INSL6: variants seen among roughly 807,000 people sequenced by gnomAD.
INSL6 encodes insulin-like peptide INSL6.
A neutral mutation model predicts 9.4 loss-of-function variants in INSL6; 16 were observed. The ratio of observed to expected loss-of-function variants is 1.70; its 90% CI spans 1.15 to 2.59. The LOEUF (loss-of-function observed/expected upper bound fraction) is 2.59, where lower values mean the gene tolerates loss of function less well. INSL6 is among the 30% of genes most tolerant of loss of function. The pLI, the probability that INSL6 is intolerant of heterozygous loss-of-function variation, is 0.00. For synonymous variants in INSL6, 154 were observed against 96.9 expected, an observed-to-expected ratio of 1.59 and a Z score of -3.46; for missense variants, 391 against 257.3, an observed-to-expected ratio of 1.52 and a Z score of -3.56.
chr9:5,095,564 G>A, the INSL6 span, among the ~76,000 whole-genome samples: 80 of 152,114 alleles, frequency 5.3e-4, no homozygotes, highest in Admixed American at 1.8e-3. Flanking sequence ...TTTCACTTCC[G>A]AGTCCCAGAA....
chr9:5,166,072 T>C (rs1825043822), intron 1 of INSL6, among the ~76,000 whole-genome samples: 1 of 152,110 alleles, frequency 6.6e-6, no homozygotes, highest in Admixed American at 6.6e-5. Flanking sequence ...AACTAAGAAG[T>C]AACGAGAAAA....
chr9:5,131,407 C>T (rs1200614102), intron 3 of INSL6, among the ~76,000 whole-genome samples: 1 of 146,850 alleles, frequency 6.8e-6, no homozygotes, highest in African/African-American at 2.6e-5. Flanking sequence ...GAACAAATAG[C>T]TGAATTCTTT....
chr9:5,157,815 T>A (rs1824844442), intron 2 of INSL6, among the ~76,000 whole-genome samples: 2 of 152,058 alleles, frequency 1.3e-5, no homozygotes, highest in South Asian at 4.1e-4. Context: ...GCATCAAGAC[T>A]ACCCAGGAAC....
downstream of INSL6, among the ~76,000 whole-genome samples, chr9:5,123,616 G>A (rs1000780166): frequency 1.3e-5 from 2 of 151,990 alleles, no homozygotes; most frequent in African/African-American, 4.8e-5. Flanking sequence ...AAACATACAG[G>A]TGGAGGTATC....
At chr9:5,078,534 T>C in the INSL6 span, 4 of 960,208 alleles carry the variant, frequency 4.2e-6, no homozygotes, top group African/African-American at 1.7e-5. Context: ...TTGAATTCCA[T>C]TTAATTTGTA....
chr9:5,000,907 T>C, the INSL6 span, among the ~76,000 whole-genome samples: 11 of 152,240 alleles, frequency 7.2e-5, no homozygotes, highest in African/African-American at 2.7e-4. Context: ...GGTTCTTTCC[T>C]GTTTCTAGGA....
intron 2 of INSL6, among the ~76,000 whole-genome samples, chr9:5,155,857 G>A (rs889941155): frequency 7.3e-5 from 11 of 150,940 alleles, no homozygotes; most frequent in South Asian, 4.2e-4. Flanking sequence ...ACCATGGCAC[G>A]TGTATACCAA....
chr9:5,072,615 A>G, the INSL6 span: 1 of 1,605,046 alleles, frequency 6.2e-7, no homozygotes, highest in Non-Finnish European at 8.5e-7. Context: ...AGCACACAGA[A>G]ACTATTCAGA....
At chr9:5,023,273 C>T in the INSL6 span, among the ~76,000 whole-genome samples, 13 of 152,296 alleles carry the variant, frequency 8.5e-5, no homozygotes, top group East Asian at 2.5e-3. Context: ...CTTTCAGTTC[C>T]TGGCTTATTT....
At chr9:5,111,186 A>G in the INSL6 span, 1 of 687,488 alleles carries the variant, frequency 1.5e-6, no homozygotes, top group Non-Finnish European at 2.5e-6. Flanking sequence ...CTCCATTCAC[A>G]TTCCTGGGAC....
chr9:5,022,618 T>C, the INSL6 span, among the ~76,000 whole-genome samples: 1 of 152,244 alleles, frequency 6.6e-6, no homozygotes, highest in South Asian at 2.1e-4. Context: ...ATCATTTTCT[T>C]CTAGTTAGCT....
the INSL6 span, chr9:5,050,937 T>A: frequency 1.1e-6 from 1 of 896,146 alleles, no homozygotes. Context: ...GTAATACTAG[T>A]TAAGTACTCC....
At chr9:5,046,560 T>C in the INSL6 span, among the ~76,000 whole-genome samples, 1 of 152,214 alleles carries the variant, frequency 6.6e-6, no homozygotes, top group African/African-American at 2.4e-5. Context: ...TGGGTCCATT[T>C]TGAGTTAATT....
At chr9:5,028,772 T>C in the INSL6 span, among the ~76,000 whole-genome samples, 38 of 152,350 alleles carry the variant, frequency 2.5e-4, no homozygotes, top group South Asian at 7.5e-3. Flanking sequence ...TACTAGCTTC[T>C]TGCTTTTCTT....
Position 5,150,850 on chromosome 9 carries a change from C to A in INSL6, c.376+13329G>T, listed in dbSNP as rs561655347. Among the ~76,000 whole-genome samples, 43 of 90,328 alleles carry A rather than the reference C, an allele frequency of 4.8e-4. No individual in the cohort carries two copies. In the Middle Eastern group the frequency reaches 0.016, roughly 33 times the overall value. 59.3% of individuals were successfully genotyped at this position (90,328 alleles called of 152,430 possible). A position where few individuals can be genotyped will look rare whatever the true frequency, so the allele number is the denominator to read the frequency against. ...AACAGATGACTGGATAAAGGAGACA[C>A]ACACACACACACACACACACACACA... On this transcript the variant is annotated intron_variant, in intron 2 of 3. Coordinates refer to the INSL6 transcript ENST00000649639.
At chr9:5,087,906 T>A in the INSL6 span, among the ~76,000 whole-genome samples, 1 of 152,258 alleles carries the variant, frequency 6.6e-6, no homozygotes, top group South Asian at 2.1e-4. Flanking sequence ...GTTTCCAATG[T>A]TAAAATTAGT....
chr9:5,146,166 G>T (rs964029780), intron 2 of INSL6, among the ~76,000 whole-genome samples: 1 of 151,912 alleles, frequency 6.6e-6, no homozygotes, highest in Non-Finnish European at 1.5e-5. Flanking sequence ...TTTGATTGTG[G>T]TATAAAGTGA....
At chr9:5,042,091 G>T in the INSL6 span, among the ~76,000 whole-genome samples, 2 of 151,612 alleles carry the variant, frequency 1.3e-5, no homozygotes, top group Non-Finnish European at 2.9e-5. Flanking sequence ...GGGACGAGGG[G>T]TCACTTCCTT....
chr9:5,181,935 T>C (rs1825464808), intron 1 of INSL6, among the ~76,000 whole-genome samples: 1 of 152,208 alleles, frequency 6.6e-6, no homozygotes, highest in Non-Finnish European at 1.5e-5. Flanking sequence ...TGCTAATTGT[T>C]GACATAGATA....
Sources: allele counts gnomAD v4.1 joint callset (sites outside exome capture counted in the v4.1 genomes callset), GRCh38; gene constraint gnomAD v4.1.1; transcripts MANE v1.5; gene names NCBI Gene and HGNC (gene_info 2026-07-23, HGNC 2026-07-21).